NAALAD2: variants seen among roughly 807,000 people sequenced by gnomAD.
The protein encoded by NAALAD2 is N-acetylated alpha-linked acidic dipeptidase 2.
In NAALAD2, 89 loss-of-function variants were observed where a neutral mutation model predicts 95.6. That is an observed-to-expected ratio of 0.93 (90% CI 0.78 to 1.11). The LOEUF is 1.11. Among genes scored for constraint, NAALAD2 ranks in the 50% least tolerant of loss-of-function variants. The pLI is 0.00. For synonymous variants in NAALAD2, 264 were observed against 294.4 expected (o/e 0.90, Z 1.06); for missense variants, 894 against 872.4 (o/e 1.02, Z -0.31).
chr11:90,159,089 C>A, intron 7 of NAALAD2, 150 bp from the exon 8 acceptor site: 1 of 640,798 alleles, frequency 1.6e-6, no homozygotes, highest in Non-Finnish European at 2.7e-6. Flanking sequence ...AAATAAGCTC[C>A]ACAAAGGGCG....
At chr11:90,168,219 C>T (rs1189155092) in intron 11 of NAALAD2, among the ~76,000 whole-genome samples, 2 of 152,172 alleles carry the variant, frequency 1.3e-5, no homozygotes, top group African/African-American at 2.4e-5. Flanking sequence ...AGACCACAAA[C>T]CCACCAGAAG....
In NAALAD2 at chr11:90,135,615, A is replaced by G. The variant is rs1951435901; in HGVS notation, c.139A>G (p.Ile47Val). Reference sequence around the variant, plus strand: ...CACTTCTGTGCGCTATCATCAAAGTATACGGTGGAAACTGGTATCCGAAAT... The same window carrying G: ...CACTTCTGTGCGCTATCATCAAAGTGTACGGTGGAAACTGGTATCCGAAAT... ...TTTSVRYHQSIRWKLVSEMKA... is the reference protein window; with the variant it reads ...TTTSVRYHQSVRWKLVSEMKA... The change falls in exon 2 of 19, where the codon ATA becomes GTA. Residue 47 changes from isoleucine to valine, a missense_variant. Transcript: ENST00000534061. 1.2e-6 allele frequency: 2 copies of G among 1,613,626 alleles called. No homozygotes were observed. The highest frequency in any genetic ancestry group is 1.7e-5 in the Admixed American group (1 of 59,946).
chr11:90,148,919 C>G, intron 3 of NAALAD2, 87 bp from the exon 4 acceptor site: 1 of 710,348 alleles, frequency 1.4e-6, no homozygotes. Flanking sequence ...GATGCTTAAT[C>G]TGAAGTATAT....
At chr11:90,155,623 TATATATTA>T (rs1252140896) in intron 6 of NAALAD2, among the ~76,000 whole-genome samples, 3 of 39,112 alleles carry the variant, frequency 7.7e-5, no homozygotes, top group East Asian at 7.1e-4. Context: ...ATAAATTACA[TATATATTA>T]ATATATATAT....
At chr11:90,163,729 G>A (rs1286218216) in intron 11 of NAALAD2, 112 bp downstream of exon 11, 2 of 1,020,502 alleles carry the variant, frequency 2.0e-6, no homozygotes, top group East Asian at 5.1e-5. Context: ...GTTTTGTTTT[G>A]GAGAATGACT....
chr11:90,134,569 G>A (rs1394362946), upstream of NAALAD2: 2 of 585,378 alleles, frequency 3.4e-6, no homozygotes, highest in African/African-American at 1.9e-5. Flanking sequence ...CCCTCTGCAG[G>A]GCTTCCTTTC....
intron 7 of NAALAD2, chr11:90,158,681 G>A (rs1952196662): frequency 1.7e-5 from 3 of 174,144 alleles, no homozygotes. Flanking sequence ...GTTTCTCCTT[G>A]ATAGGGTTAT....
At position 90,180,614 on chromosome 11, in the gene NAALAD2, G is replaced by T. The variant is rs781415573; in HGVS notation, c.1859-1006G>T. Among the ~76,000 whole-genome samples, 192 of 152,066 alleles carry T rather than the reference G, an allele frequency of 1.3e-3. 4 individuals are homozygous for T. Among genetic ancestry groups the T allele is most frequent in the Non-Finnish European group, 8.2e-4 (56 of 67,906 alleles). ...GCTGTAAGTGCTTTATCTATAAAAT[G>T]AATATCGTATCTCCTGATTTGCTTG... is the stretch of plus-strand genomic sequence containing the variant. On this transcript the variant is annotated intron_variant, in intron 16 of 18. Coordinates refer to ENST00000534061, the MANE Select transcript of NAALAD2 (RefSeq NM_005467.4).
At chr11:90,160,385 T>G (rs1421107656) in intron 8 of NAALAD2, among the ~76,000 whole-genome samples, 1 of 152,186 alleles carries the variant, frequency 6.6e-6, no homozygotes, top group Non-Finnish European at 1.5e-5. Context: ...ATAGCTGTTT[T>G]TATTAAACCA....
chr11:90,188,677 G>A (rs529459238), intron 18 of NAALAD2, among the ~76,000 whole-genome samples: 19 of 152,232 alleles, frequency 1.2e-4, no homozygotes, highest in Admixed American at 1.2e-3. Flanking sequence ...TACGAATTTG[G>A]GGAATGAACA....
At chr11:90,177,509 A>G (rs1351095680) in intron 15 of NAALAD2, among the ~76,000 whole-genome samples, 2 of 147,088 alleles carry the variant, frequency 1.4e-5, no homozygotes, top group African/African-American at 2.5e-5. Flanking sequence ...ATTTGGCTAT[A>G]GTGTTTTCGT....
chr11:90,185,579 A>G (rs1231928133), intron 18 of NAALAD2, among the ~76,000 whole-genome samples: 1 of 152,032 alleles, frequency 6.6e-6, no homozygotes, highest in African/African-American at 2.4e-5. Context: ...AGGCAGGGGG[A>G]TTGCTTGAAC....
At chr11:90,144,183 G>C (rs761892589) in intron 2 of NAALAD2, among the ~76,000 whole-genome samples, 2 of 152,064 alleles carry the variant, frequency 1.3e-5, no homozygotes, top group Non-Finnish European at 2.9e-5. Flanking sequence ...CACCATATTA[G>C]GAGCCCCCAA....
intron 2 of NAALAD2, among the ~76,000 whole-genome samples, chr11:90,139,967 T>C (rs1303986538): frequency 6.6e-6 from 1 of 152,088 alleles, no homozygotes; most frequent in East Asian, 1.9e-4. Context: ...CAACCTTTTC[T>C]TATAATGTAT....
intron 11 of NAALAD2, among the ~76,000 whole-genome samples, chr11:90,165,673 G>T (rs10734125): frequency 0.35 from 53,025 of 151,942 alleles, 9,363 homozygotes; most frequent in Admixed American, 0.45. Flanking sequence ...ATTATTAATG[G>T]GCATTTTGAA....
In NAALAD2 at chr11:90,192,038, G is replaced by C; in HGVS notation, c.*291G>C. 1 of 190,748 alleles carries C rather than the reference G, an allele frequency of 5.2e-6. No individual in the cohort carries two copies. Among genetic ancestry groups the C allele is most frequent in the African/African-American group, 2.3e-5 (1 of 43,218 alleles). The allele number at this position is 190,748 out of a possible 1,614,324, so 11.8% of individuals were successfully genotyped here. ...TGAATTCTCAGACATTGTGAGTGTG[G>C]GAATGTAAAATGGTAAAATCACTTT... On this transcript the variant is annotated 3_prime_UTR_variant, in exon 19 of 19. Coordinates refer to ENST00000534061, the MANE Select transcript of NAALAD2 (RefSeq NM_005467.4).
chr11:90,175,591 C>G (rs891912692), intron 14 of NAALAD2, among the ~76,000 whole-genome samples: 1 of 151,478 alleles, frequency 6.6e-6, no homozygotes, highest in Non-Finnish European at 1.5e-5. Context: ...GATGATAGTT[C>G]TCTGAGGGTA....
chr11:90,137,848 G>T lies in NAALAD2; in HGVS notation c.194+2178G>T, dbSNP rs1421432313. Among the ~76,000 whole-genome samples the T allele has an allele frequency of 4.6e-5, 7 of 151,848 alleles. No individual in the cohort carries two copies. In the East Asian group the frequency reaches 9.7e-4, roughly 21 times the overall value. On this transcript the variant is annotated intron_variant, in intron 2 of 18. Coordinates refer to ENST00000534061, the MANE Select transcript of NAALAD2 (RefSeq NM_005467.4). ...GGTAGAGACAGGGTCTCATTATTTT[G>T]CCCAGGCTGGTCTCGAACTCATGAG... is the stretch of plus-strand genomic sequence containing the variant.
chr11:90,139,294 A>G (rs2186603), intron 2 of NAALAD2, among the ~76,000 whole-genome samples: 68,178 of 151,942 alleles, frequency 0.45, 16,276 homozygotes, highest in African/African-American at 0.61. Flanking sequence ...TTGGGGGTTA[A>G]CAGCTTCATA....
Sources: gnomAD v4.1 joint callset for allele counts (sites outside exome capture counted in the v4.1 genomes callset) on GRCh38, gnomAD v4.1.1 for gene constraint, MANE v1.5 for transcripts, NCBI Gene and HGNC (gene_info 2026-07-23, HGNC 2026-07-21) for gene names.